TRAPPC3L: variants seen among roughly 807,000 people sequenced by gnomAD.
TRAPPC3L encodes trafficking protein particle complex subunit 3L.
Under a neutral mutation model 23.7 loss-of-function variants are expected in TRAPPC3L, and 23 were observed. The ratio of observed to expected loss-of-function variants is 0.97; its 90% confidence interval spans 0.70 to 1.37. The LOEUF is 1.37. Among genes scored for constraint, TRAPPC3L ranks in the 40% most tolerant of loss-of-function variants. The pLI is 0.00. For synonymous variants in TRAPPC3L, 81 were observed against 77.9 expected (o/e 1.04, Z -0.21); for missense variants, 212 against 216.8 (o/e 0.98, Z 0.14).
At chr6:116,530,596 G>A (rs755071147) in intron 3 of TRAPPC3L, among the ~76,000 whole-genome samples, 7 of 152,074 alleles carry the variant, frequency 4.6e-5, no homozygotes, top group Non-Finnish European at 8.8e-5. Context: ...TCACTGTTCT[G>A]AATAATGTCT....
In TRAPPC3L at chr6:116,545,521, T is replaced by C. The variant is rs1583303750; in HGVS notation, c.-7A>G. ...GGTGTGCAGGGCGAGACATAGTGCT[T>C]GATAGATGAAGAATATGATCTTCAA... On this transcript the variant is annotated 5_prime_UTR_variant, in exon 1 of 5. Coordinates refer to ENST00000368602, the MANE Select transcript of TRAPPC3L (RefSeq NM_001139444.3). The C allele has an allele frequency of 1.3e-6, 2 of 1,546,976 alleles. No individual in the cohort carries two copies. The highest frequency in any genetic ancestry group is 2.5e-5 in the East Asian group (1 of 40,778).
intron 4 of TRAPPC3L, among the ~76,000 whole-genome samples, chr6:116,499,802 C>G (rs563145168): frequency 9.2e-5 from 14 of 152,340 alleles, no homozygotes; most frequent in African/African-American, 2.9e-4. Flanking sequence ...CACGTCCTCT[C>G]ATAGCCTTAA....
intron 2 of TRAPPC3L, among the ~76,000 whole-genome samples, chr6:116,542,044 C>T (rs1327715587): frequency 1.3e-5 from 2 of 152,006 alleles, no homozygotes; most frequent in Non-Finnish European, 2.9e-5. Flanking sequence ...TTTTTGTAGT[C>T]AAATAAGTGA....
intron 3 of TRAPPC3L, chr6:116,515,848 G>A: frequency 6.2e-7 from 1 of 1,613,958 alleles, no homozygotes; most frequent in African/African-American, 1.3e-5. Context: ...CTGCCTGGGA[G>A]GCTGCTTCAG....
chr6:116,545,048 C>G (rs911972402), intron 1 of TRAPPC3L, among the ~76,000 whole-genome samples: 1 of 151,432 alleles, frequency 6.6e-6, no homozygotes, highest in Non-Finnish European at 1.5e-5. Flanking sequence ...AAAGGCAATC[C>G]TTTTTTGATG....
chr6:116,507,462 G>C (rs1772025419), intron 3 of TRAPPC3L, among the ~76,000 whole-genome samples: 1 of 152,150 alleles, frequency 6.6e-6, no homozygotes, highest in Non-Finnish European at 1.5e-5. Flanking sequence ...TTAAAATTGT[G>C]CTTCTGAGCA....
chr6:116,505,600 G>T (rs191403884), intron 3 of TRAPPC3L, among the ~76,000 whole-genome samples: 1 of 152,166 alleles, frequency 6.6e-6, no homozygotes, highest in East Asian at 1.9e-4. Flanking sequence ...GAGGCATCAC[G>T]CTACCTGACT....
intron 3 of TRAPPC3L, chr6:116,523,535 A>C (rs1772384435): frequency 6.6e-6 from 1 of 152,206 alleles, no homozygotes; most frequent in South Asian, 2.1e-4. Flanking sequence ...TTTGATGACA[A>C]AATGGATCTA....
chr6:116,538,979 T>G lies in TRAPPC3L; in HGVS notation c.240+1384A>C, dbSNP rs1376466088. On this transcript the variant is annotated intron_variant, in intron 3 of 4. Transcript: ENST00000368602. Reference sequence around the variant, plus strand: ...CTCTCCATCTCCTGAGCTCAAGTGATTTGCCCACACTAAGCTAATGGGATG... The same window carrying G: ...CTCTCCATCTCCTGAGCTCAAGTGAGTTGCCCACACTAAGCTAATGGGATG... 5.9e-5 allele frequency among the ~76,000 whole-genome samples: 9 copies of G among 152,082 alleles called. No homozygotes were observed. In the East Asian group the frequency reaches 1.5e-3, roughly 26 times the overall value.
At chr6:116,514,712 T>C (rs746841503) in intron 3 of TRAPPC3L, among the ~76,000 whole-genome samples, 8 of 152,200 alleles carry the variant, frequency 5.3e-5, no homozygotes, top group Non-Finnish European at 1.0e-4. Flanking sequence ...AGTCAAAGGT[T>C]GGGAACCACT....
chr6:116,498,715 T>C (rs1771868596), intron 4 of TRAPPC3L, among the ~76,000 whole-genome samples: 1 of 152,174 alleles, frequency 6.6e-6, no homozygotes, highest in South Asian at 2.1e-4. Flanking sequence ...ATTTTTCAGG[T>C]CCGGTTTAAC....
intron 2 of TRAPPC3L, among the ~76,000 whole-genome samples, 191 bp from the exon 3 acceptor site, chr6:116,540,653 C>A (rs1346814226): frequency 6.6e-6 from 1 of 152,084 alleles, no homozygotes; most frequent in Non-Finnish European, 1.5e-5. Flanking sequence ...GAGAGCAACA[C>A]ACTGAGGAAA....
At chr6:116,501,145 G>A (rs966546507) in intron 3 of TRAPPC3L, among the ~76,000 whole-genome samples, 1 of 152,190 alleles carries the variant, frequency 6.6e-6, no homozygotes, top group Non-Finnish European at 1.5e-5. Context: ...CAAATACTGA[G>A]CTTTTCTCAC....
chr6:116,512,011 G>A, intron 3 of TRAPPC3L: 2 of 1,614,006 alleles, frequency 1.2e-6, no homozygotes, highest in Non-Finnish European at 1.7e-6. Context: ...AGATCACTCT[G>A]AGCTCATTGG....
chr6:116,512,079 C>T, intron 3 of TRAPPC3L: 1 of 1,614,012 alleles, frequency 6.2e-7, no homozygotes, highest in South Asian at 1.1e-5. Context: ...TATGAATGTG[C>T]CATGAGCGGG....
At chr6:116,520,785 C>T (rs1583273301) in intron 3 of TRAPPC3L, 1 of 152,154 alleles carries the variant, frequency 6.6e-6, no homozygotes, top group East Asian at 1.9e-4. Flanking sequence ...GGATTTCAAA[C>T]AGTAGAGTAT....
Position 116,495,825 on chromosome 6 carries a change from G to A in TRAPPC3L, c.*1129C>T, listed in dbSNP as rs1219641964. 5 of 151,850 alleles carry A rather than the reference G, an allele frequency of 3.3e-5. No individual in the cohort carries two copies. The highest frequency in any genetic ancestry group is 9.7e-5 in the African/African-American group (4 of 41,318). 9.4% of individuals were successfully genotyped at this position (151,850 alleles called of 1,614,324 possible). On this transcript the variant is annotated 3_prime_UTR_variant, in exon 5 of 5. Coordinates refer to ENST00000368602, the MANE Select transcript of TRAPPC3L (RefSeq NM_001139444.3). The stretch of plus-strand genomic sequence containing the variant: ...CATTTGTATGTGTATGTCTTCTTTT[G>A]AGAAATGTCTATTCAGATCTTTTGC...
chr6:116,540,840 T>C (rs183056579), intron 2 of TRAPPC3L, among the ~76,000 whole-genome samples: 11 of 152,292 alleles, frequency 7.2e-5, no homozygotes, highest in Admixed American at 7.2e-4. Flanking sequence ...AGCTAAAGCG[T>C]CTGCTACATG....
In TRAPPC3L at chr6:116,496,943, C is replaced by G; in HGVS notation, c.*11G>C. The G allele has an allele frequency of 6.5e-7, 1 of 1,535,858 alleles. No homozygotes were observed. ...CAGCTAGCCGCCCCGTGGCATTTTC[C>G]GTGCTAGTCTTCATTTTTTCCCTCT... On this transcript the variant is annotated 3_prime_UTR_variant, in exon 5 of 5. Coordinates refer to ENST00000368602, the MANE Select transcript of TRAPPC3L (RefSeq NM_001139444.3).
Sources: gnomAD v4.1 joint callset for allele counts (sites outside exome capture counted in the v4.1 genomes callset) on GRCh38, gnomAD v4.1.1 for gene constraint, MANE v1.5 for transcripts, NCBI Gene and HGNC (gene_info 2026-07-23, HGNC 2026-07-21) for gene names.